The following ADGRA1 variants were observed in gnomAD, a reference collection of about 807,000 sequenced individuals.
The protein encoded by ADGRA1 is adhesion G protein-coupled receptor A1, also known as G-protein coupled receptor 123.
ADGRA1 carries 12 observed loss-of-function variants against 21.3 expected under a neutral mutation model. The observed-to-expected ratio is 0.56, with a 90% CI of 0.36 to 0.91. ADGRA1 has a LOEUF of 0.91. Among genes scored for constraint, ADGRA1 ranks in the 40% least tolerant of loss-of-function variants. The pLI is 0.01. For synonymous variants in ADGRA1, 385 were observed against 368.8 expected, an observed-to-expected ratio of 1.04 and a Z score of -0.50; for missense variants, 790 against 805.6, an observed-to-expected ratio of 0.98 and a Z score of 0.23.
chr10:133,124,651 AGAG>A (rs1564854658), intron 5 of ADGRA1, among the ~76,000 whole-genome samples: 2 of 152,352 alleles, frequency 1.3e-5, no homozygotes, highest in African/African-American at 2.4e-5. Flanking sequence ...GTCAGCGCCC[AGAG>A]GAGGAGGACA....
intron 5 of ADGRA1, among the ~76,000 whole-genome samples, chr10:133,103,142 C>T (rs1851829951): frequency 6.6e-6 from 1 of 152,150 alleles, no homozygotes; most frequent in African/African-American, 2.4e-5. Context: ...GCCCTGCCCT[C>T]CACATCTGCA....
chr10:133,126,892 T>TG (rs1262416707), intron 5 of ADGRA1, among the ~76,000 whole-genome samples: 24 of 152,086 alleles, frequency 1.6e-4, no homozygotes, highest in Non-Finnish European at 3.5e-4. Flanking sequence ...GCTCCCTGTG[T>TG]GACCCCACGC....
intron 5 of ADGRA1, among the ~76,000 whole-genome samples, chr10:133,122,097 T>G (rs1852280370): frequency 6.6e-6 from 1 of 152,180 alleles, no homozygotes; most frequent in African/African-American, 2.4e-5. Context: ...TGTGCACGTG[T>G]GAGCATGCGC....
rs141047404 is a variant in ADGRA1 at position 133,103,548 on chromosome 10, G to A, written c.401+706G>A. Among the ~76,000 whole-genome samples, 730 of 152,346 alleles carry A rather than the reference G, an allele frequency of 4.8e-3. 7 individuals carry two copies. Among genetic ancestry groups the A allele is most frequent in the African/African-American group, 0.017 (706 of 41,594 alleles). ...ATCCTCAGGCTGGGAATGCACCGTG[G>A]CCTTTGTGGGAACCATGGGCCTGCC... On this transcript the variant is annotated intron_variant, in intron 5 of 6. Transcript: ENST00000392607.
At position 133,131,269 on chromosome 10, in the gene ADGRA1, G is replaced by C. The variant is rs1388942244; in HGVS notation, c.*1758G>C. On this transcript the variant is annotated 3_prime_UTR_variant, in exon 7 of 7. Coordinates refer to ENST00000392607, the MANE Select transcript of ADGRA1 (RefSeq NM_001083909.3). ...CAGCAAACCCCGTGTGTCCTTACAG[G>C]TCGACCAGACGGGCCGTCGGAGGAC... 6.6e-6 allele frequency: 1 copy of C among 152,216 alleles called. No individual in the cohort carries two copies. Among genetic ancestry groups the C allele is most frequent in the African/African-American group, 2.4e-5 (1 of 41,442 alleles). 9.4% of individuals were successfully genotyped at this position (152,216 alleles called of 1,614,324 possible).
At chr10:133,114,645 A>G (rs1211955414) in intron 5 of ADGRA1, among the ~76,000 whole-genome samples, 1 of 143,638 alleles carries the variant, frequency 7.0e-6, no homozygotes, top group Non-Finnish European at 1.5e-5. Context: ...GGAGATACTT[A>G]GGCAAATGGA....
At chr10:133,103,319 T>A (rs757340872) in intron 5 of ADGRA1, among the ~76,000 whole-genome samples, 1 of 152,184 alleles carries the variant, frequency 6.6e-6, no homozygotes, top group Non-Finnish European at 1.5e-5. Flanking sequence ...ATGGTCTCCG[T>A]AACATCAGGC....
intron 5 of ADGRA1, among the ~76,000 whole-genome samples, chr10:133,113,948 C>T (rs1267143840): frequency 6.6e-6 from 1 of 152,234 alleles, no homozygotes; most frequent in Non-Finnish European, 1.5e-5. Context: ...ACCAAGGGCC[C>T]ACAGGCACGG....
intron 4 of ADGRA1, among the ~76,000 whole-genome samples, chr10:133,101,499 C>G (rs1214106206): frequency 6.6e-6 from 1 of 152,234 alleles, no homozygotes; most frequent in South Asian, 2.1e-4. Flanking sequence ...GTCCAGGACT[C>G]AGAGCTCTGC....
At chr10:133,119,989 GC>G (rs1852226333) in intron 5 of ADGRA1, among the ~76,000 whole-genome samples, 1 of 152,210 alleles carries the variant, frequency 6.6e-6, no homozygotes. Context: ...GGCTCCGTTA[GC>G]CCCTAGCAAG....
chr10:133,124,481 C>T (rs180986934), intron 5 of ADGRA1, among the ~76,000 whole-genome samples: 31 of 152,362 alleles, frequency 2.0e-4, no homozygotes, highest in African/African-American at 7.2e-4. Flanking sequence ...TCACGTAACC[C>T]GGAGATGTCC....
intron 5 of ADGRA1, among the ~76,000 whole-genome samples, chr10:133,117,468 G>T (rs186720309): frequency 6.6e-6 from 1 of 152,158 alleles, no homozygotes; most frequent in African/African-American, 2.4e-5. Context: ...GGGAGGTCCG[G>T]TGCACTGTGG....
intron 5 of ADGRA1, among the ~76,000 whole-genome samples, chr10:133,121,336 G>A (rs572243583): frequency 3.3e-5 from 5 of 152,334 alleles, no homozygotes; most frequent in Admixed American, 6.5e-5. Context: ...ACCTGTGCAC[G>A]TGTGAGTGCC....
chr10:133,093,261 TAA>T (rs932510464), intron 2 of ADGRA1: 1 of 1,577,908 alleles, frequency 6.3e-7, no homozygotes, highest in African/African-American at 1.3e-5. Context: ...GCAGAAAGGT[TAA>T]GTTTTGATCA....
rs778390196 is a variant in ADGRA1, at chr10:133,129,232, G to A, written c.1404G>A (p.Thr468=). 9 of 1,549,574 alleles carry A rather than the reference G, an allele frequency of 5.8e-6. No homozygotes were observed. The highest frequency in any genetic ancestry group is 3.5e-4 in the Middle Eastern group (2 of 5,690). Residue 468 remains threonine, a synonymous_variant, in exon 7 of 7, where the codon ACG becomes ACA. Coordinates refer to ENST00000392607, the MANE Select transcript of ADGRA1 (RefSeq NM_001083909.3). Reference sequence around the variant, plus strand: ...TGGATGGCCCGGCGGGGACACACACGCTGGCCTGCTGCACCCAGGGCGACC... The same window carrying A: ...TGGATGGCCCGGCGGGGACACACACACTGGCCTGCTGCACCCAGGGCGACC... ...SSLDGPAGTH[T]LACCTQGDPF...
chr10:133,123,282 G>A (rs137882913), intron 5 of ADGRA1, among the ~76,000 whole-genome samples: 112 of 152,316 alleles, frequency 7.4e-4, no homozygotes, highest in African/African-American at 2.2e-3. Flanking sequence ...GGTCTCTTCC[G>A]CTCTCTTCTG....
intron 5 of ADGRA1, among the ~76,000 whole-genome samples, chr10:133,122,789 C>T (rs375022783): frequency 7.2e-4 from 107 of 148,754 alleles, no homozygotes; most frequent in African/African-American, 2.6e-3. Flanking sequence ...GTCTTTCCTC[C>T]CGGTTCACCA....
chr10:133,094,683 C>T (rs540559716), intron 2 of ADGRA1, among the ~76,000 whole-genome samples: 54 of 152,288 alleles, frequency 3.5e-4, no homozygotes, highest in African/African-American at 1.3e-3. Context: ...TGGCTTCTCT[C>T]GCGGATCTGG....
chr10:133,127,394 T>C, intron 6 of ADGRA1, 63 bp downstream of exon 6: 2 of 1,252,924 alleles, frequency 1.6e-6, no homozygotes, highest in Non-Finnish European at 2.2e-6. Flanking sequence ...CTGAGGTCCC[T>C]CCCAGGCACC....
Sources: allele counts gnomAD v4.1 joint callset (sites outside exome capture counted in the v4.1 genomes callset), GRCh38; gene constraint gnomAD v4.1.1; transcripts MANE v1.5; gene names NCBI Gene and HGNC (gene_info 2026-07-23, HGNC 2026-07-21).